The following GINS1 variants were observed in gnomAD, a reference collection of about 807,000 sequenced individuals.
GINS1 encodes the protein GINS complex subunit 1.
GINS1 carries 26 observed loss-of-function variants against 34.9 expected under a neutral mutation model. That is an observed-to-expected ratio of 0.74 (90% confidence interval 0.55 to 1.03). GINS1 has a LOEUF of 1.03. GINS1 is among the 50% of genes least tolerant of loss of function. The pLI is 0.00. For missense variants in GINS1, 235 were observed against 237.9 expected (o/e 0.99, Z 0.08); for synonymous variants, 97 against 84.4 (o/e 1.15, Z -0.82).
chr20:25,408,891 G>A (rs1399922110), intron 1 of GINS1: 10 of 980,976 alleles, frequency 1.0e-5, no homozygotes, highest in Non-Finnish European at 1.2e-5. Context: ...GGCATTATGT[G>A]GATGTCAGGA....
At chr20:25,422,336 G>C (rs1477786371) in intron 4 of GINS1, among the ~76,000 whole-genome samples, 1 of 152,024 alleles carries the variant, frequency 6.6e-6, no homozygotes, top group Non-Finnish European at 1.5e-5. Context: ...CACTTTGAGA[G>C]GCCAAGGTGG....
In GINS1 at chr20:25,441,760, TAA is replaced by T; in HGVS notation, c.514_515del (p.Asn172Ter). The T allele has an allele frequency of 4.0e-6, 6 of 1,496,422 alleles. No individual in the cohort carries two copies. Among genetic ancestry groups the T allele is most frequent in the African/African-American group, 1.4e-5 (1 of 71,800 alleles). 92.7% of individuals were successfully genotyped at this position (1,496,422 alleles called of 1,614,324 possible). On this transcript the variant is annotated frameshift_variant, in exon 6 of 7. Transcript: ENST00000262460. LOFTEE classifies it high-confidence loss of function. ...GTTGATGATGGCACTTCAGTCCTAT[TAA>T]AAAAAAATAGCCAGGTATTTCTTAT...
At chr20:25,441,367 G>T (rs897879867) in intron 5 of GINS1, among the ~76,000 whole-genome samples, 2 of 152,198 alleles carry the variant, frequency 1.3e-5, no homozygotes, top group African/African-American at 4.8e-5. Context: ...AAGCAGGTTG[G>T]AGCAGATCTA....
At chr20:25,430,994 G>C (rs1031136688) in intron 5 of GINS1, among the ~76,000 whole-genome samples, 1 of 152,226 alleles carries the variant, frequency 6.6e-6, no homozygotes, top group African/African-American at 2.4e-5. Flanking sequence ...AAGGATTGGT[G>C]TTCTTGAAAT....
chr20:25,435,674 C>T (rs1176149815), intron 5 of GINS1, among the ~76,000 whole-genome samples: 1 of 143,682 alleles, frequency 7.0e-6, no homozygotes, highest in East Asian at 2.2e-4. Context: ...AGGAGAATTG[C>T]GAATTGCTTG....
At chr20:25,419,646 A>G (rs1048003426) in intron 4 of GINS1, 1 of 767,468 alleles carries the variant, frequency 1.3e-6, no homozygotes, top group East Asian at 9.8e-5. Context: ...TTTTTCTCAT[A>G]CAATATTTTA....
intron 5 of GINS1, among the ~76,000 whole-genome samples, chr20:25,431,105 C>T (rs748555343): frequency 6.6e-6 from 1 of 152,114 alleles, no homozygotes; most frequent in Non-Finnish European, 1.5e-5. Flanking sequence ...TAGGTCTATT[C>T]CAATTTACTA....
intron 1 of GINS1, chr20:25,408,841 C>T: frequency 1.2e-6 from 1 of 852,382 alleles, no homozygotes; most frequent in South Asian, 5.3e-5. Flanking sequence ...GCTCCAGAGC[C>T]TGCACTCTAA....
chr20:25,409,168 G>T (rs988230263), intron 1 of GINS1: 8 of 258,828 alleles, frequency 3.1e-5, no homozygotes, highest in Non-Finnish European at 4.8e-5. Flanking sequence ...GTCTAGGAAG[G>T]TGGCTCACAG....
At chr20:25,409,697 A>G (rs1451070349) in intron 1 of GINS1, among the ~76,000 whole-genome samples, 1 of 152,240 alleles carries the variant, frequency 6.6e-6, no homozygotes, top group African/African-American at 2.4e-5. Context: ...TTTACAGCAT[A>G]TTGGAGGTAG....
In GINS1 at chr20:25,407,778, G is replaced by A; in HGVS notation, c.-43G>A. 6.7e-7 allele frequency: 1 copy of A among 1,498,496 alleles called. No individual in the cohort carries two copies. Among genetic ancestry groups the A allele is most frequent in the Non-Finnish European group, 9.3e-7 (1 of 1,075,242 alleles). 92.8% of individuals were successfully genotyped at this position (1,498,496 alleles called of 1,614,324 possible). A position where few individuals can be genotyped will look rare whatever the true frequency, so the allele number is the denominator to read the frequency against. On this transcript the variant is annotated 5_prime_UTR_variant, in exon 1 of 7. Transcript: ENST00000262460. Reference sequence around the variant, plus strand: ...GAGCCCAGATACCATTTTGGCGTGAGAGCTGGTGGTTGGCAAGGCCGCGGG... The same window carrying A: ...GAGCCCAGATACCATTTTGGCGTGAAAGCTGGTGGTTGGCAAGGCCGCGGG...
chr20:25,430,810 G>A (rs1347804168), intron 5 of GINS1, among the ~76,000 whole-genome samples: 3 of 152,212 alleles, frequency 2.0e-5, no homozygotes, highest in Non-Finnish European at 4.4e-5. Context: ...GATTACAGGC[G>A]TGAGCCACCA....
At chr20:25,410,574 G>A (rs1287193336) in intron 1 of GINS1, among the ~76,000 whole-genome samples, 1 of 151,340 alleles carries the variant, frequency 6.6e-6, no homozygotes, top group South Asian at 2.1e-4. Flanking sequence ...TTTTTTTATT[G>A]TTTTGAGATG....
intron 4 of GINS1, among the ~76,000 whole-genome samples, chr20:25,423,613 T>TC (rs1491504590): frequency 3.1e-5 from 2 of 63,866 alleles, no homozygotes; most frequent in South Asian, 4.9e-4. Flanking sequence ...TTCTTCTCTC[T>TC]TTTTTTTTTT....
intron 1 of GINS1, among the ~76,000 whole-genome samples, chr20:25,412,013 C>G (rs941699903): frequency 6.6e-6 from 1 of 151,914 alleles, no homozygotes; most frequent in East Asian, 1.9e-4. Flanking sequence ...GAGGCTGAGG[C>G]AAGAGAATCA....
chr20:25,440,484 G>C (rs1487474924), intron 5 of GINS1, among the ~76,000 whole-genome samples: 1 of 152,076 alleles, frequency 6.6e-6, no homozygotes, highest in Non-Finnish European at 1.5e-5. Flanking sequence ...TTTTGAATGT[G>C]TTTGAGATTT....
rs1239752286 is a variant in GINS1 at position 25,447,063 on chromosome 20, G to A, written c.*1072G>A. The A allele has an allele frequency of 6.7e-6, 1 of 148,488 alleles. No homozygotes were observed. The highest frequency in any genetic ancestry group is 1.5e-5 in the Non-Finnish European group (1 of 67,396). 9.2% of individuals were successfully genotyped at this position (148,488 alleles called of 1,614,324 possible). A position where few individuals can be genotyped will look rare whatever the true frequency, so the allele number is the denominator to read the frequency against. On this transcript the variant is annotated 3_prime_UTR_variant, in exon 7 of 7. Coordinates refer to ENST00000262460, the MANE Select transcript of GINS1 (RefSeq NM_021067.5). ...TTCGTTTGTTTCTTTGTTTTGAGAT[G>A]GAGTCTTGTTCTGTCACCCAGGCTG...
intron 2 of GINS1, among the ~76,000 whole-genome samples, chr20:25,415,724 T>C (rs1363199007): frequency 1.3e-5 from 2 of 149,098 alleles, no homozygotes; most frequent in African/African-American, 4.9e-5. Context: ...TCCCTGGCGC[T>C]CACTGTCTAG....
intron 1 of GINS1, among the ~76,000 whole-genome samples, chr20:25,411,943 CA>C (rs11478911): frequency 0.28 from 38,109 of 135,964 alleles, 5,132 homozygotes; most frequent in East Asian, 0.59. Context: ...AACTCCGTCT[CA>C]AAAAAAAAAA....
Sources: gnomAD v4.1 joint callset for allele counts (sites outside exome capture counted in the v4.1 genomes callset) on GRCh38, gnomAD v4.1.1 for gene constraint, MANE v1.5 for transcripts, NCBI Gene and HGNC (gene_info 2026-07-23, HGNC 2026-07-21) for gene names.